Variants in EPHA7 observed in about 807,000 individuals in gnomAD.
The protein encoded by EPHA7 is ephrin type-A receptor 7.
Under a neutral mutation model 112.6 loss-of-function variants are expected in EPHA7, and 25 were observed. That is an observed-to-expected ratio of 0.22 (90% confidence interval 0.16 to 0.31). EPHA7 has a LOEUF of 0.31. EPHA7 is among the 10% of genes least tolerant of loss of function. The pLI is 1.00. For missense variants in EPHA7, 962 were observed against 1,212.6 expected, an observed-to-expected ratio of 0.79 and a Z score of 3.07; for synonymous variants, 437 against 406.5, an observed-to-expected ratio of 1.07 and a Z score of -0.90.
chr6:93,329,898 G>T (rs2127899994), intron 5 of EPHA7, among the ~76,000 whole-genome samples: 1 of 151,080 alleles, frequency 6.6e-6, no homozygotes, highest in Non-Finnish European at 1.5e-5. Flanking sequence ...TGGAGCAGAA[G>T]ATACTGAACA....
At chr6:93,413,818 C>T (rs1020523432) in intron 2 of EPHA7, among the ~76,000 whole-genome samples, 1 of 151,852 alleles carries the variant, frequency 6.6e-6, no homozygotes, top group African/African-American at 2.4e-5. Context: ...CTCTTTCAAA[C>T]TTTCATTCTT....
At chr6:93,400,955 T>A (rs754931454) in intron 3 of EPHA7, among the ~76,000 whole-genome samples, 2 of 152,164 alleles carry the variant, frequency 1.3e-5, no homozygotes, top group Non-Finnish European at 2.9e-5. Flanking sequence ...ATTGATATTA[T>A]GCTTTATTCA....
chr6:93,262,569 T>C (rs559708373), intron 9 of EPHA7, among the ~76,000 whole-genome samples: 2 of 151,558 alleles, frequency 1.3e-5, no homozygotes, highest in African/African-American at 4.8e-5. Flanking sequence ...TATTAAACTT[T>C]ATAATAAAGC....
chr6:93,329,897 A>G (rs886685074), intron 5 of EPHA7, among the ~76,000 whole-genome samples: 1 of 151,268 alleles, frequency 6.6e-6, no homozygotes, highest in African/African-American at 2.4e-5. Flanking sequence ...TTGGAGCAGA[A>G]GATACTGAAC....
At chr6:93,355,282 G>A (rs902287375) in intron 5 of EPHA7, among the ~76,000 whole-genome samples, 1 of 152,078 alleles carries the variant, frequency 6.6e-6, no homozygotes, top group Admixed American at 6.6e-5. Context: ...AACAGCCTTT[G>A]AAATAAGCAT....
chr6:93,418,803 C>A (rs1779376740), intron 1 of EPHA7, among the ~76,000 whole-genome samples: 1 of 152,260 alleles, frequency 6.6e-6, no homozygotes, highest in East Asian at 1.9e-4. Context: ...GGCGGGCTGG[C>A]GGAGACGGTA....
intron 5 of EPHA7, among the ~76,000 whole-genome samples, chr6:93,327,746 C>G (rs1040185127): frequency 4.6e-5 from 7 of 151,510 alleles, no homozygotes; most frequent in African/African-American, 1.7e-4. Flanking sequence ...TCCATTGCTA[C>G]CACCCTAGTG....
At chr6:93,371,626 AATG>A (rs777551880) in intron 3 of EPHA7, among the ~76,000 whole-genome samples, 1 of 152,328 alleles carries the variant, frequency 6.6e-6, no homozygotes, top group Non-Finnish European at 1.5e-5. Flanking sequence ...TCTCATAGGA[AATG>A]ATGATAAAGT....
At chr6:93,254,591 T>C (rs1192354879) in intron 14 of EPHA7, 56 bp downstream of exon 14, 3 of 1,460,584 alleles carry the variant, frequency 2.1e-6, no homozygotes, top group Non-Finnish European at 2.8e-6. Flanking sequence ...CATGTTCCAG[T>C]AATACTGGCC....
chr6:93,279,237 T>C (rs1188920368), intron 5 of EPHA7, among the ~76,000 whole-genome samples: 2 of 152,168 alleles, frequency 1.3e-5, no homozygotes, highest in Non-Finnish European at 2.9e-5. Flanking sequence ...AATATGTGCA[T>C]GTTTTACATG....
chr6:93,276,803 C>T (rs1046684852), intron 5 of EPHA7, among the ~76,000 whole-genome samples: 2 of 151,930 alleles, frequency 1.3e-5, no homozygotes, highest in African/African-American at 4.8e-5. Flanking sequence ...AGAACTTAAC[C>T]AAGATAATGA....
chr6:93,388,195 T>C (rs891773239), intron 3 of EPHA7, among the ~76,000 whole-genome samples: 5 of 152,156 alleles, frequency 3.3e-5, no homozygotes, highest in African/African-American at 1.2e-4. Flanking sequence ...TTAACATTTT[T>C]CCATGAAAGC....
At chr6:93,331,452 C>CA (rs35947900) in intron 5 of EPHA7, among the ~76,000 whole-genome samples, 32,706 of 145,574 alleles carry the variant, frequency 0.22, 3,560 homozygotes, top group East Asian at 0.35. Context: ...CAGAAAAATA[C>CA]AAAAAAAAAA....
intron 5 of EPHA7, among the ~76,000 whole-genome samples, chr6:93,335,342 T>C (rs1315139755): frequency 6.6e-6 from 1 of 152,130 alleles, no homozygotes; most frequent in Admixed American, 6.6e-5. Flanking sequence ...ACATATGTGA[T>C]ACACTATCCG....
chr6:93,419,197 C>T (rs1236834270), intron 1 of EPHA7, 48 bp downstream of exon 1: 3 of 1,508,896 alleles, frequency 2.0e-6, no homozygotes, highest in Non-Finnish European at 2.7e-6. Flanking sequence ...TGCAGGTAGA[C>T]ATCTAAATAA....
intron 5 of EPHA7, among the ~76,000 whole-genome samples, chr6:93,313,594 TA>T (rs1396372044): frequency 6.6e-6 from 1 of 152,094 alleles, no homozygotes; most frequent in African/African-American, 2.4e-5. Flanking sequence ...CTAAGCAGAA[TA>T]AAATACATTC....
chr6:93,358,946 A>G (rs1403705314), intron 3 of EPHA7, among the ~76,000 whole-genome samples: 1 of 152,164 alleles, frequency 6.6e-6, no homozygotes, highest in East Asian at 1.9e-4. Context: ...ATTTTCCCAA[A>G]TTTTCAGGAA....
At chr6:93,306,843 T>C (rs1318864392) in intron 5 of EPHA7, among the ~76,000 whole-genome samples, 1 of 151,996 alleles carries the variant, frequency 6.6e-6, no homozygotes, top group African/African-American at 2.4e-5. Context: ...TGCTTAGTTT[T>C]GGTCATCATG....
chr6:93,275,667 T>C (rs1225179474), intron 5 of EPHA7, among the ~76,000 whole-genome samples: 5 of 151,846 alleles, frequency 3.3e-5, no homozygotes, highest in Non-Finnish European at 7.4e-5. Context: ...CTCAACAGCA[T>C]AAAAACAAAA....
Sources: gnomAD v4.1 joint callset for allele counts (sites outside exome capture counted in the v4.1 genomes callset) on GRCh38, gnomAD v4.1.1 for gene constraint, MANE v1.5 for transcripts, NCBI Gene and HGNC (gene_info 2026-07-23, HGNC 2026-07-21) for gene names.